The following BCO2 variants were observed in gnomAD, a reference collection of about 807,000 sequenced individuals.
BCO2 encodes beta-carotene oxygenase 2.
Under a neutral mutation model 65.8 loss-of-function variants are expected in BCO2, and 56 were observed. That is an observed-to-expected ratio of 0.85 (90% CI 0.69 to 1.06). The LOEUF is 1.06. Ranked by LOEUF, BCO2 falls within the 50% of genes least tolerant of loss-of-function variation. BCO2 has a pLI of 0.00. For missense variants in BCO2, 675 were observed against 698.5 expected (o/e 0.97, Z 0.38); for synonymous variants, 233 against 242.3 (o/e 0.96, Z 0.36).
At chr11:112,178,245 T>C (rs1866938066) in intron 1 of BCO2, among the ~76,000 whole-genome samples, 1 of 152,022 alleles carries the variant, frequency 6.6e-6, no homozygotes, top group African/African-American at 2.4e-5. Flanking sequence ...GAAAAGGACA[T>C]TGGGAAAGAC....
At chr11:112,194,961 C>T (rs183163062) in intron 5 of BCO2, among the ~76,000 whole-genome samples, 88 of 152,134 alleles carry the variant, frequency 5.8e-4, no homozygotes, top group Admixed American at 5.7e-3. Flanking sequence ...CAGCAAACAT[C>T]CTTCTAAGTA....
In BCO2 at chr11:112,210,351, G is replaced by A. The variant is rs115413828; in HGVS notation, c.1195-3373G>A. Among the ~76,000 whole-genome samples, 906 of 152,250 alleles carry A rather than the reference G, an allele frequency of 6.0e-3. 16 individuals carry two copies. The highest frequency in any genetic ancestry group is 0.021 in the African/African-American group (859 of 41,538). ...TGCAGAATATTGTGTTTTAAAAATT[G>A]TGGAAATATTTTGAGACACAAGATG... is the stretch of plus-strand genomic sequence containing the variant. On this transcript the variant is annotated intron_variant, in intron 8 of 11. Coordinates refer to ENST00000357685, the MANE Select transcript of BCO2 (RefSeq NM_031938.7).
At chr11:112,217,019 T>G (rs1383448572) in intron 11 of BCO2, among the ~76,000 whole-genome samples, 1 of 152,228 alleles carries the variant, frequency 6.6e-6, no homozygotes, top group Non-Finnish European at 1.5e-5. Flanking sequence ...TGGAATTAGA[T>G]TTGGCAGATC....
rs754125457 is a variant in BCO2, at chr11:112,179,446, G to T, written c.257G>T (p.Arg86Leu). 4 of 1,614,088 alleles carry T rather than the reference G, an allele frequency of 2.5e-6. No individual in the cohort carries two copies. The highest frequency in any genetic ancestry group is 2.2e-5 in the South Asian group (2 of 91,084). ...AAGTGGCTCAATGGCTCTCTACTTCGAATTGGACCTGGGAAATTCGAGTTT... is the reference window on the plus strand; with the variant it reads ...AAGTGGCTCAATGGCTCTCTACTTCTAATTGGACCTGGGAAATTCGAGTTT... ...FPKWLNGSLL[R>L]IGPGKFEFGK... is the part of the protein sequence containing the mutation. Residue 86 changes from arginine (R) to leucine (L), a missense_variant, in exon 2 of 12, where the codon CGA becomes CTA. Arg to Leu is a moderately radical substitution (Grantham distance 102). Transcript: ENST00000357685.
At chr11:112,183,241 A>G (rs2135351553) in intron 2 of BCO2, 1 of 758,728 alleles carries the variant, frequency 1.3e-6, no homozygotes, top group East Asian at 2.4e-5. Context: ...TATTTTCCTT[A>G]TCACTTTTCT....
At chr11:112,193,038 C>T (rs542893382) in intron 2 of BCO2, among the ~76,000 whole-genome samples, 8 of 136,796 alleles carry the variant, frequency 5.8e-5, no homozygotes, top group Non-Finnish European at 6.1e-5. Context: ...AGTGCAGTGG[C>T]GCGATCTCGG....
rs1489471243 is a variant in BCO2 at position 112,217,821 on chromosome 11, G to T, written c.1687G>T (p.Glu563Ter). The change falls in exon 12 of 12, where the codon GAG (glutamate) becomes TAG (stop). Residue 563 changes from glutamate (E) to a stop codon, truncating the protein, a stop_gained. Coordinates refer to ENST00000357685, the MANE Select transcript of BCO2 (RefSeq NM_031938.7). LOFTEE classifies it high-confidence loss of function. ...GAACTTTGAAGAGCTGGGCCGAGCAGAGGTACCTGTGCAGATGCCTTATGG... is the reference window on the plus strand; with the variant it reads ...GAACTTTGAAGAGCTGGGCCGAGCATAGGTACCTGTGCAGATGCCTTATGG... ...AKNFEELGRA[E>*]VPVQMPYGFH... is the part of the protein sequence containing the mutation. 1 of 1,614,196 alleles carries T rather than the reference G, an allele frequency of 6.2e-7. No individual in the cohort carries two copies. Among genetic ancestry groups the T allele is most frequent in the South Asian group, 1.1e-5 (1 of 91,086 alleles).
chr11:112,175,597 CA>C lies in BCO2; in HGVS notation c.1del, dbSNP rs1354053249. ...TGGAAATCACTGGATCTGCTCAATACAAAAATGTTTTTTCGAGTCTTTCTCC... is the reference window on the plus strand; with the variant it reads ...TGGAAATCACTGGATCTGCTCAATACAAAATGTTTTTTCGAGTCTTTCTCC... On this transcript the variant is annotated 5_prime_UTR_variant, in exon 1 of 12. Transcript: ENST00000357685. 2 of 1,610,218 alleles carry C rather than the reference CA, an allele frequency of 1.2e-6. No individual in the cohort carries two copies. The highest frequency in any genetic ancestry group is 8.5e-7 in the Non-Finnish European group (1 of 1,176,426).
intron 5 of BCO2, among the ~76,000 whole-genome samples, chr11:112,196,176 G>A (rs1867567967): frequency 6.6e-6 from 1 of 152,064 alleles, no homozygotes; most frequent in Admixed American, 6.6e-5. Flanking sequence ...TTTAAATTCC[G>A]TGAATTGAGT....
Position 112,189,977 on chromosome 11 carries a change from C to T in BCO2, c.294-3497C>T, listed in dbSNP as rs1038782451. ...GTAAACTGCAGACTAATATTATTTACGAATATCCACGATAAAGTACAAAAT... is the reference window on the plus strand; with the variant it reads ...GTAAACTGCAGACTAATATTATTTATGAATATCCACGATAAAGTACAAAAT... On this transcript the variant is annotated intron_variant, in intron 2 of 11. Transcript: ENST00000357685. Among the ~76,000 whole-genome samples, 7 of 152,186 alleles carry T rather than the reference C, an allele frequency of 4.6e-5. No homozygotes were observed. The East Asian group carries it at 5.8e-4, about 13-fold the overall frequency.
intron 2 of BCO2, chr11:112,179,923 C>T: frequency 5.9e-6 from 1 of 168,134 alleles, no homozygotes; most frequent in Non-Finnish European, 1.3e-5. Flanking sequence ...CTAATCTTCC[C>T]AAGACTGGTC....
At chr11:112,181,612 G>T in intron 2 of BCO2, 1 of 767,330 alleles carries the variant, frequency 1.3e-6, no homozygotes, top group South Asian at 1.3e-5. Flanking sequence ...TTTTGGTATT[G>T]ACTCATTGAA....
chr11:112,192,543 GTTATC>G (rs1425783327), intron 2 of BCO2, among the ~76,000 whole-genome samples: 1 of 151,968 alleles, frequency 6.6e-6, no homozygotes, highest in Admixed American at 6.6e-5. Context: ...AGGAAGGACA[GTTATC>G]TTATTTGTCT....
intron 8 of BCO2, among the ~76,000 whole-genome samples, chr11:112,206,161 C>T (rs960643695): frequency 6.3e-4 from 94 of 150,332 alleles, no homozygotes; most frequent in African/African-American, 2.2e-3. Context: ...CCAGACAGGG[C>T]GGGGGCCGGG....
At chr11:112,186,002 G>A (rs1281028661) in intron 2 of BCO2, among the ~76,000 whole-genome samples, 2 of 152,076 alleles carry the variant, frequency 1.3e-5, no homozygotes, top group African/African-American at 4.8e-5. Flanking sequence ...CTCTGGGCCT[G>A]GTTGGAATTT....
At chr11:112,183,178 A>C in intron 2 of BCO2, 1 of 989,042 alleles carries the variant, frequency 1.0e-6, no homozygotes, top group Non-Finnish European at 1.6e-6. Context: ...TACATGTCAC[A>C]AAGTGTCAGA....
intron 8 of BCO2, 105 bp downstream of exon 8, chr11:112,202,295 T>C: frequency 9.1e-7 from 1 of 1,097,318 alleles, no homozygotes; most frequent in Non-Finnish European, 1.3e-6. Flanking sequence ...CTCTCTTTTT[T>C]CTTTTGAGAC....
chr11:112,194,420 A>C, intron 4 of BCO2: 1 of 465,196 alleles, frequency 2.1e-6, no homozygotes, highest in Middle Eastern at 5.7e-4. Context: ...TATTAGGCAA[A>C]TTTATTCAGG....
chr11:112,194,859 G>A, intron 5 of BCO2, 104 bp downstream of exon 5: 2 of 730,924 alleles, frequency 2.7e-6, no homozygotes, highest in Non-Finnish European at 4.6e-6. Context: ...CAAGTAGAGA[G>A]AGGGTGCTCT....
Sources: gnomAD v4.1 joint callset for allele counts (sites outside exome capture counted in the v4.1 genomes callset) on GRCh38, gnomAD v4.1.1 for gene constraint, MANE v1.5 for transcripts, NCBI Gene and HGNC (gene_info 2026-07-23, HGNC 2026-07-21) for gene names.